Variants in WWOX observed in about 807,000 individuals in gnomAD.
WWOX encodes WW domain-containing oxidoreductase.
A neutral mutation model predicts 46.2 loss-of-function variants in WWOX; 69 were observed. The ratio of observed to expected loss-of-function variants is 1.49; its 90% CI spans 1.23 to 1.82. WWOX has a LOEUF of 1.82. WWOX is among the 40% of genes most tolerant of loss of function. The pLI is 0.00. For missense variants in WWOX, 919 were observed against 542.6 expected (o/e 1.69, Z -6.89); for synonymous variants, 359 against 202.6 (o/e 1.77, Z -6.56).
chr16:78,563,047 T>G (rs955100547), intron 8 of WWOX, among the ~76,000 whole-genome samples: 16 of 152,062 alleles, frequency 1.1e-4, no homozygotes, highest in Non-Finnish European at 1.9e-4. Context: ...GCTCTGCACT[T>G]CAAGCTAAAT....
At chr16:79,048,684 G>C (rs1189810029) in intron 8 of WWOX, among the ~76,000 whole-genome samples, 1 of 152,070 alleles carries the variant, frequency 6.6e-6, no homozygotes, top group Non-Finnish European at 1.5e-5. Context: ...ATTAAACTTT[G>C]AGTTGTTCTT....
At chr16:78,996,330 A>G in intron 8 of WWOX, 3 of 984,618 alleles carry the variant, frequency 3.0e-6, no homozygotes, top group Non-Finnish European at 3.6e-6. Context: ...CCGTGACAGA[A>G]GATAGAAAGG....
intron 8 of WWOX, among the ~76,000 whole-genome samples, chr16:78,873,946 A>G (rs547036023): frequency 5.5e-4 from 83 of 152,032 alleles, no homozygotes; most frequent in South Asian, 4.2e-3. Flanking sequence ...AAAATGTGTA[A>G]CTACCCACAG....
chr16:78,332,170 C>A (rs549106441), intron 5 of WWOX, among the ~76,000 whole-genome samples: 2 of 152,224 alleles, frequency 1.3e-5, no homozygotes, highest in South Asian at 2.1e-4. Context: ...TTATGTCTTT[C>A]CCCACCCCAA....
chr16:79,143,945 C>T (rs1004046204), intron 8 of WWOX, among the ~76,000 whole-genome samples: 3 of 152,122 alleles, frequency 2.0e-5, no homozygotes, highest in African/African-American at 7.2e-5. Context: ...TGCTATGTTA[C>T]CCTGGGTGGA....
intron 8 of WWOX, among the ~76,000 whole-genome samples, chr16:78,764,446 C>T (rs1056228595): frequency 2.0e-5 from 3 of 150,660 alleles, no homozygotes; most frequent in African/African-American, 7.3e-5. Context: ...GGAGGTGCTT[C>T]TTCTGGGAGT....
chr16:78,404,804 T>G (rs28647201), intron 6 of WWOX, among the ~76,000 whole-genome samples: 1,912 of 152,286 alleles, frequency 0.013, 36 homozygotes, highest in African/African-American at 0.043. Context: ...ATTGTCCATT[T>G]TATTAAATGT....
intron 8 of WWOX, among the ~76,000 whole-genome samples, chr16:78,834,030 ATGAG>A (rs1310667782): frequency 7.2e-5 from 11 of 152,358 alleles, no homozygotes; most frequent in African/African-American, 2.6e-4. Context: ...GAATGAGTGA[ATGAG>A]TGAAGCCATC....
At chr16:78,792,676 C>G (rs900454645) in intron 8 of WWOX, among the ~76,000 whole-genome samples, 2 of 152,136 alleles carry the variant, frequency 1.3e-5, no homozygotes, top group African/African-American at 4.8e-5. Context: ...TTGGGGCAGA[C>G]AATGGATAGA....
At chr16:78,196,049 G>C (rs1001885413) in intron 5 of WWOX, among the ~76,000 whole-genome samples, 4 of 152,076 alleles carry the variant, frequency 2.6e-5, no homozygotes, top group African/African-American at 9.7e-5. Flanking sequence ...GCCTTATCTC[G>C]ATGATGGGCC....
intron 8 of WWOX, among the ~76,000 whole-genome samples, chr16:79,177,789 G>A (rs751899451): frequency 1.9e-4 from 29 of 152,284 alleles, no homozygotes; most frequent in Middle Eastern, 6.8e-3. Context: ...TAGGCTTTGT[G>A]GACCATAGGG....
At chr16:79,123,182 G>C (rs569803341) in intron 8 of WWOX, among the ~76,000 whole-genome samples, 1 of 152,074 alleles carries the variant, frequency 6.6e-6, no homozygotes, top group African/African-American at 2.4e-5. Context: ...GACACCGCTG[G>C]TCTGTGCTCA....
intron 4 of WWOX, among the ~76,000 whole-genome samples, chr16:78,150,362 C>T (rs1028064289): frequency 6.6e-6 from 1 of 152,038 alleles, no homozygotes; most frequent in Non-Finnish European, 1.5e-5. Context: ...CAAACCCTAT[C>T]GTTTAGGTTT....
intron 8 of WWOX, chr16:78,825,796 T>C: frequency 1.7e-6 from 1 of 589,980 alleles, no homozygotes; most frequent in Non-Finnish European, 3.2e-6. Flanking sequence ...TTGTGTGCCA[T>C]GTGCTGCTCA....
At chr16:78,149,417 A>G (rs1449540599) in intron 4 of WWOX, among the ~76,000 whole-genome samples, 1 of 152,248 alleles carries the variant, frequency 6.6e-6, no homozygotes, top group Non-Finnish European at 1.5e-5. Flanking sequence ...TTGTAAAAGC[A>G]AAGGACAGTG....
At chr16:79,164,093 T>C (rs932961914) in intron 8 of WWOX, among the ~76,000 whole-genome samples, 1 of 152,198 alleles carries the variant, frequency 6.6e-6, no homozygotes, top group African/African-American at 2.4e-5. Context: ...ATAAAAGCTT[T>C]TCCTCGGTGC....
intron 8 of WWOX, among the ~76,000 whole-genome samples, chr16:78,987,604 C>G (rs184978827): frequency 4.3e-4 from 66 of 152,270 alleles, no homozygotes; most frequent in Admixed American, 3.8e-3. Context: ...CAAGGACTTT[C>G]CTCTATGCTC....
intron 8 of WWOX, among the ~76,000 whole-genome samples, chr16:78,616,401 G>C (rs909419116): frequency 1.3e-5 from 2 of 152,104 alleles, no homozygotes; most frequent in Non-Finnish European, 2.9e-5. Context: ...ATTTGTTTTT[G>C]ATCTCATAGG....
At chr16:78,725,095 C>A (rs946386175) in intron 8 of WWOX, among the ~76,000 whole-genome samples, 24 of 152,052 alleles carry the variant, frequency 1.6e-4, no homozygotes, top group African/African-American at 4.1e-4. Flanking sequence ...GGGGTGGTTC[C>A]CCCATACTGT....
Sources: gnomAD v4.1 joint callset for allele counts (sites outside exome capture counted in the v4.1 genomes callset) on GRCh38, gnomAD v4.1.1 for gene constraint, MANE v1.5 for transcripts, NCBI Gene and HGNC (gene_info 2026-07-23, HGNC 2026-07-21) for gene names.